The following SYCP2L variants were observed in gnomAD, a reference collection of about 807,000 sequenced individuals.
The protein encoded by SYCP2L is synaptonemal complex protein 2-like.
In SYCP2L, 98 loss-of-function variants were observed where a neutral mutation model predicts 125.8. That is an observed-to-expected ratio of 0.78 (90% CI 0.66 to 0.92). SYCP2L has a LOEUF of 0.92. SYCP2L is among the 40% of genes least tolerant of loss of function. The pLI, the probability that SYCP2L is intolerant of heterozygous loss-of-function variation, is 0.00. For missense variants in SYCP2L, 842 were observed against 936.4 expected (o/e 0.90, Z 1.32); for synonymous variants, 317 against 325.4 (o/e 0.97, Z 0.28).
chr6:10,891,448 T>C, intron 1 of SYCP2L, 65 bp from the exon 2 acceptor site: 1 of 1,008,860 alleles, frequency 9.9e-7, no homozygotes, highest in Non-Finnish European at 1.5e-6. Context: ...TGCTTTGTGT[T>C]TAAAACTTGA....
At chr6:10,898,260 A>G (rs998943467) in intron 5 of SYCP2L, 145 bp downstream of exon 5, 3 of 618,516 alleles carry the variant, frequency 4.9e-6, no homozygotes, top group African/African-American at 3.7e-5. Flanking sequence ...CACACCTGTA[A>G]TCCCAGCACT....
At position 10,939,822 on chromosome 6, in the gene SYCP2L, C is replaced by T. The variant is rs115198090; in HGVS notation, c.1814-2637C>T. The stretch of plus-strand genomic sequence containing the variant: ...TTAGCAATGATTTCTTGCATACAAC[C>T]CTAATAGCACAATAAACTTTTGGGA... On this transcript the variant is annotated intron_variant, in intron 21 of 29. Transcript: ENST00000283141. Among the ~76,000 whole-genome samples, 1,308 of 152,188 alleles carry T rather than the reference C, an allele frequency of 8.6e-3. 28 individuals carry two copies. Among genetic ancestry groups the T allele is most frequent in the African/African-American group, 0.03 (1,245 of 41,518 alleles).
intron 14 of SYCP2L, among the ~76,000 whole-genome samples, chr6:10,913,550 C>T (rs1159911846): frequency 1.3e-5 from 2 of 152,012 alleles, no homozygotes; most frequent in Admixed American, 6.6e-5. Context: ...ATGTCCTTAC[C>T]CCACTTTTGG....
At chr6:10,966,319 T>C (rs1781676558) in intron 29 of SYCP2L, among the ~76,000 whole-genome samples, 1 of 152,228 alleles carries the variant, frequency 6.6e-6, no homozygotes, top group South Asian at 2.1e-4. Flanking sequence ...TGATTATCTT[T>C]ATTTCCAAAA....
At chr6:10,942,392 T>C (rs776111081) in intron 21 of SYCP2L, 67 bp from the exon 22 acceptor site, 4 of 1,003,832 alleles carry the variant, frequency 4.0e-6, no homozygotes, top group Non-Finnish European at 5.8e-6. Context: ...ATATCTAGAA[T>C]GATAGTGAAT....
intron 29 of SYCP2L, among the ~76,000 whole-genome samples, chr6:10,972,231 T>C (rs1363411795): frequency 6.6e-6 from 1 of 152,214 alleles, no homozygotes; most frequent in Non-Finnish European, 1.5e-5. Flanking sequence ...AAAAAAATAC[T>C]GTTTTCTTTT....
chr6:10,932,328 C>A (rs1561691994), intron 20 of SYCP2L, among the ~76,000 whole-genome samples: 1 of 152,162 alleles, frequency 6.6e-6, no homozygotes, highest in East Asian at 1.9e-4. Context: ...TCAAAGCCAA[C>A]TTTTGCCGTT....
At chr6:10,913,857 G>A (rs1780646548) in intron 14 of SYCP2L, among the ~76,000 whole-genome samples, 1 of 151,352 alleles carries the variant, frequency 6.6e-6, no homozygotes, top group South Asian at 2.1e-4. Context: ...TTGAAGTGGA[G>A]TTTTGCTCTT....
At chr6:10,935,559 C>G (rs1005690109) in intron 21 of SYCP2L, among the ~76,000 whole-genome samples, 1 of 152,000 alleles carries the variant, frequency 6.6e-6, no homozygotes, top group Non-Finnish European at 1.5e-5. Context: ...GAGTCTTGCT[C>G]TGTCACCCAG....
Position 10,893,996 on chromosome 6 carries a change from A to G in SYCP2L, c.208A>G (p.Ile70Val). The G allele has an allele frequency of 1.2e-6, 2 of 1,604,562 alleles. No homozygotes were observed. Among genetic ancestry groups the G allele is most frequent in the Non-Finnish European group, 1.7e-6 (2 of 1,177,754 alleles). Residue 70 changes from isoleucine to valine, a missense_variant, in exon 3 of 30, where the codon ATA (isoleucine) becomes GTA (valine). Ile to Val is a conservative substitution (Grantham distance 29). Transcript: ENST00000283141. ...RLLLYRLDRS[I>V]NKELDKNEFQ... The stretch of plus-strand genomic sequence containing the variant: ...TCTATTATACCGTCTTGACAGATCA[A>G]TAAATAAGGCAAGTTGGTTTGCTTT...
chr6:10,920,981 C>T (rs907016187), intron 14 of SYCP2L, among the ~76,000 whole-genome samples: 4 of 152,190 alleles, frequency 2.6e-5, no homozygotes, highest in African/African-American at 9.7e-5. Flanking sequence ...CTGCACAGAT[C>T]ATCCCATCAC....
At chr6:10,969,235 A>C (rs1452363946) in intron 29 of SYCP2L, among the ~76,000 whole-genome samples, 2 of 152,028 alleles carry the variant, frequency 1.3e-5, no homozygotes, top group African/African-American at 4.8e-5. Flanking sequence ...TTTGCAAAAC[A>C]TGTATTTAGT....
At chr6:10,924,113 CAGAG>C in intron 14 of SYCP2L, among the ~76,000 whole-genome samples, 1 of 151,806 alleles carries the variant, frequency 6.6e-6, no homozygotes, top group African/African-American at 2.4e-5. Flanking sequence ...AGTAGAATTT[CAGAG>C]AGAGAGAGAG....
chr6:10,907,948 G>A (rs934957352), intron 10 of SYCP2L, among the ~76,000 whole-genome samples: 3 of 135,174 alleles, frequency 2.2e-5, no homozygotes, highest in Non-Finnish European at 4.6e-5. Flanking sequence ...GAGTATAGTG[G>A]CGCAATCTCA....
chr6:10,940,496 C>T lies in SYCP2L; in HGVS notation c.1814-1963C>T, dbSNP rs35968465. On this transcript the variant is annotated intron_variant, in intron 21 of 29. Coordinates refer to ENST00000283141, the MANE Select transcript of SYCP2L (RefSeq NM_001040274.3). ...TATTAATAATGGAATACTATTCAGC[C>T]TCAAAAAAGAAGGAAATCAGGCCAT... Among the ~76,000 whole-genome samples the T allele has an allele frequency of 1.9e-3, 286 of 152,108 alleles. 1 individual carries two copies. Among genetic ancestry groups the T allele is most frequent in the African/African-American group, 6.4e-3 (267 of 41,504 alleles).
intron 21 of SYCP2L, among the ~76,000 whole-genome samples, chr6:10,935,400 C>A (rs1561693119): frequency 6.6e-6 from 1 of 152,158 alleles, no homozygotes; most frequent in African/African-American, 2.4e-5. Flanking sequence ...CCAAGAATTG[C>A]TGGTCTCTTC....
chr6:10,944,139 C>T (rs1781270571), intron 23 of SYCP2L, among the ~76,000 whole-genome samples: 1 of 152,152 alleles, frequency 6.6e-6, no homozygotes, highest in Non-Finnish European at 1.5e-5. Context: ...CTCAAAGTGA[C>T]TGTATCTTTT....
intron 29 of SYCP2L, among the ~76,000 whole-genome samples, chr6:10,973,447 C>T (rs1021003403): frequency 6.6e-6 from 1 of 152,174 alleles, no homozygotes; most frequent in Non-Finnish European, 1.5e-5. Context: ...GCAGGAGAAT[C>T]ACTTGAACCA....
At chr6:10,920,224 G>T (rs1780770659) in intron 14 of SYCP2L, among the ~76,000 whole-genome samples, 1 of 152,154 alleles carries the variant, frequency 6.6e-6, no homozygotes, top group African/African-American at 2.4e-5. Flanking sequence ...TGTTTGGTTT[G>T]GTTTGGTTTG....
Sources: gnomAD v4.1 joint callset for allele counts (sites outside exome capture counted in the v4.1 genomes callset) on GRCh38, gnomAD v4.1.1 for gene constraint, MANE v1.5 for transcripts, NCBI Gene and HGNC (gene_info 2026-07-23, HGNC 2026-07-21) for gene names.